The following LOXHD1 variants were observed in gnomAD, a reference collection of about 807,000 sequenced individuals.
LOXHD1 encodes lipoxygenase homology PLAT domains 1.
A neutral mutation model predicts 248.2 loss-of-function variants in LOXHD1; 205 were observed. The ratio of observed to expected loss-of-function variants is 0.83; its 90% CI spans 0.74 to 0.93. The LOEUF (loss-of-function observed/expected upper bound fraction) is 0.93. LOXHD1 is among the 40% of genes least tolerant of loss of function. LOXHD1 has a pLI of 0.00. For synonymous variants in LOXHD1, 1,113 were observed against 1,162.8 expected, an observed-to-expected ratio of 0.96 and a Z score of 0.87; for missense variants, 2,930 against 2,971.6, an observed-to-expected ratio of 0.99 and a Z score of 0.33.
At chr18:46,581,365 G>C (rs145875596) in intron 12 of LOXHD1, among the ~76,000 whole-genome samples, 105 of 152,278 alleles carry the variant, frequency 6.9e-4, no homozygotes, top group African/African-American at 2.4e-3. Context: ...CAGGTTTTTG[G>C]CTTGGGCAAT....
At chr18:46,594,300 G>A (rs1382282755) in intron 9 of LOXHD1, 31 bp downstream of exon 9, 2 of 1,550,848 alleles carry the variant, frequency 1.3e-6, no homozygotes, top group African/African-American at 1.4e-5. Context: ...CTGGCTGAGA[G>A]GCCTCCAGGT....
intron 32 of LOXHD1, 63 bp from the exon 33 acceptor site, chr18:46,521,345 C>T (rs2035571463): frequency 3.3e-6 from 5 of 1,524,820 alleles, no homozygotes; most frequent in African/African-American, 1.4e-5. Flanking sequence ...GTGCTCCCTG[C>T]CCAGCCCCCT....
chr18:46,594,340 G>C lies in LOXHD1; in HGVS notation c.1261C>G (p.Arg421Gly). Residue 421 changes from arginine to glycine, a missense_variant, in exon 9 of 41, where the codon CGG becomes GGG. Physicochemically the swap from Arg to Gly is moderately radical, Grantham distance 125. Coordinates refer to ENST00000642948, the MANE Select transcript of LOXHD1 (RefSeq NM_001384474.1). ...LYEMVSLRKKRLKKFPWSLWV... is the reference protein window; with the variant it reads ...LYEMVSLRKKGLKKFPWSLWV... ...GGTCTCTCTCACTTACTTTTCAGCC[G>C]CTTCTTCCTGAGAGACACCATCTCA... 1 of 1,551,500 alleles carries C rather than the reference G, an allele frequency of 6.4e-7. No homozygotes were observed. The highest frequency in any genetic ancestry group is 8.7e-7 in the Non-Finnish European group (1 of 1,146,970).
At chr18:46,543,006 G>A (rs1273608384) in intron 23 of LOXHD1, among the ~76,000 whole-genome samples, 151 bp from the exon 24 acceptor site, 1 of 152,172 alleles carries the variant, frequency 6.6e-6, no homozygotes, top group Middle Eastern at 3.2e-3. Context: ...GGCCACCTTT[G>A]CACAGTGGGC....
At chr18:46,546,744 G>A (rs1007602333) in intron 22 of LOXHD1, 151 bp downstream of exon 22, 43 of 877,744 alleles carry the variant, frequency 4.9e-5, no homozygotes, top group Non-Finnish European at 7.3e-5. Context: ...CCCCAGTCTT[G>A]CCACAGAGGA....
At chr18:46,589,227 T>C (rs2144211224) in intron 12 of LOXHD1, among the ~76,000 whole-genome samples, 1 of 152,314 alleles carries the variant, frequency 6.6e-6, no homozygotes, top group South Asian at 2.1e-4. Flanking sequence ...GTGTTTCTTG[T>C]GATTAGGTAC....
At chr18:46,495,261 T>C (rs1390769185) in intron 37 of LOXHD1, among the ~76,000 whole-genome samples, 2 of 152,246 alleles carry the variant, frequency 1.3e-5, no homozygotes, top group African/African-American at 4.8e-5. Flanking sequence ...ATAAATACTC[T>C]GGTTATAATT....
rs527685221 is a variant in LOXHD1 at position 46,599,550 on chromosome 18, T to C, written c.1134+1667A>G. On this transcript the variant is annotated intron_variant, in intron 8 of 40. Coordinates refer to ENST00000642948, the MANE Select transcript of LOXHD1 (RefSeq NM_001384474.1). ...TAGCTCTGAGATAAGTGGATTTCTT[T>C]CATTAATACCAAATGCATTAGTCAT... Among the ~76,000 whole-genome samples, 6 of 152,298 alleles carry C rather than the reference T, an allele frequency of 3.9e-5. No homozygotes were observed. The East Asian group carries it at 9.6e-4, about 24-fold the overall frequency.
chr18:46,551,239 T>C (rs1183699035), intron 21 of LOXHD1, among the ~76,000 whole-genome samples: 1 of 151,706 alleles, frequency 6.6e-6, no homozygotes, highest in Non-Finnish European at 1.5e-5. Flanking sequence ...AGCAGCTGGG[T>C]CTACAGGCAC....
intron 1 of LOXHD1, among the ~76,000 whole-genome samples, chr18:46,656,203 G>A (rs1247077136): frequency 3.3e-5 from 5 of 152,162 alleles, no homozygotes; most frequent in South Asian, 2.1e-4. Context: ...TAAGCTGGAC[G>A]TCCACAGCCT....
chr18:46,573,895 G>C (rs143443143), intron 14 of LOXHD1, among the ~76,000 whole-genome samples: 1 of 152,274 alleles, frequency 6.6e-6, no homozygotes, highest in Non-Finnish European at 1.5e-5. Flanking sequence ...GAGACTCCAA[G>C]ACATGAGCAT....
intron 6 of LOXHD1, among the ~76,000 whole-genome samples, chr18:46,607,039 A>G (rs2038425241): frequency 6.6e-6 from 1 of 151,864 alleles, no homozygotes; most frequent in Non-Finnish European, 1.5e-5. Flanking sequence ...GGTGGCGGGC[A>G]CCTGTAATCC....
At chr18:46,534,895 G>T (rs542929390) in intron 26 of LOXHD1, among the ~76,000 whole-genome samples, 1 of 152,158 alleles carries the variant, frequency 6.6e-6, no homozygotes, top group Non-Finnish European at 1.5e-5. Context: ...CCTTTTCTGT[G>T]CTCCCACATA....
At chr18:46,526,688 C>A (rs548992073) in intron 29 of LOXHD1, among the ~76,000 whole-genome samples, 1 of 152,152 alleles carries the variant, frequency 6.6e-6, no homozygotes, top group Non-Finnish European at 1.5e-5. Flanking sequence ...CAGGCTTGCA[C>A]TGAAAGAGTG....
chr18:46,604,138 C>G lies in LOXHD1; in HGVS notation c.851G>C (p.Arg284Thr). ...CTCAGCTCCGCCCACTAAGATATCC[C>G]TTTGGATTTTGCCATCGTCTTCGTC... ...ALDEDDGKIQ[R>T]DILVGGAETT... is the part of the protein sequence containing the mutation. The change falls in exon 7 of 41, where the codon AGG (arginine) becomes ACG (threonine). Residue 284 changes from arginine (R) to threonine (T), a missense_variant. Transcript: ENST00000642948. 6.4e-7 allele frequency: 1 copy of G among 1,551,744 alleles called. No individual in the cohort carries two copies. Among genetic ancestry groups the G allele is most frequent in the Non-Finnish European group, 8.7e-7 (1 of 1,146,996 alleles).
intron 7 of LOXHD1, chr18:46,601,722 GCTGA>G: frequency 2.1e-6 from 1 of 480,632 alleles, no homozygotes; most frequent in South Asian, 2.0e-5. Context: ...AGCTGTCAGT[GCTGA>G]TTAGAGGAAA....
intron 33 of LOXHD1, chr18:46,518,941 C>G: frequency 1.0e-6 from 1 of 985,506 alleles, no homozygotes; most frequent in Non-Finnish European, 1.2e-6. Context: ...ATGATGTTCA[C>G]TTGAGATTGG....
At chr18:46,567,757 G>A (rs1265471837) in intron 16 of LOXHD1, among the ~76,000 whole-genome samples, 2 of 152,350 alleles carry the variant, frequency 1.3e-5, no homozygotes, top group South Asian at 2.1e-4. Flanking sequence ...TGTTATGAAT[G>A]AGAAAACGGA....
At chr18:46,649,972 T>C (rs1212017771) in intron 1 of LOXHD1, among the ~76,000 whole-genome samples, 1 of 152,004 alleles carries the variant, frequency 6.6e-6, no homozygotes, top group South Asian at 2.1e-4. Context: ...AATAGAGATA[T>C]TAGAAGGCTT....
Sources: gnomAD v4.1 joint callset for allele counts (sites outside exome capture counted in the v4.1 genomes callset) on GRCh38, gnomAD v4.1.1 for gene constraint, MANE v1.5 for transcripts, NCBI Gene and HGNC (gene_info 2026-07-23, HGNC 2026-07-21) for gene names.